GRIP1: variants seen among roughly 807,000 people sequenced by gnomAD.
GRIP1 encodes the protein glutamate receptor-interacting protein 1.
Under a neutral mutation model 129.9 loss-of-function variants are expected in GRIP1, and 45 were observed. The ratio of observed to expected loss-of-function variants is 0.35; its 90% CI spans 0.27 to 0.44. The LOEUF (loss-of-function observed/expected upper bound fraction) is 0.44, where lower values mean the gene tolerates loss of function less well. Among genes scored for constraint, GRIP1 ranks in the 20% least tolerant of loss-of-function variants. GRIP1 has a pLI of 1.00. For synonymous variants in GRIP1, 530 were observed against 520.8 expected (o/e 1.02, Z -0.24); for missense variants, 1,196 against 1,396.8 (o/e 0.86, Z 2.29).
intron 1 of GRIP1, among the ~76,000 whole-genome samples, chr12:66,779,785 A>C (rs770940282): frequency 6.6e-6 from 1 of 152,236 alleles, no homozygotes; most frequent in Non-Finnish European, 1.5e-5. Context: ...TAATATGTGC[A>C]GTAGTGAAAA....
chr12:66,979,349 A>G (rs1444616218), intron 1 of GRIP1, among the ~76,000 whole-genome samples: 1 of 151,892 alleles, frequency 6.6e-6, no homozygotes, highest in Non-Finnish European at 1.5e-5. Context: ...AGGTGAAAAA[A>G]AAAAACAACT....
intron 1 of GRIP1, among the ~76,000 whole-genome samples, chr12:67,033,985 C>T (rs1484120578): frequency 2.6e-5 from 4 of 152,122 alleles, no homozygotes; most frequent in Non-Finnish European, 5.9e-5. Context: ...CCTAATCTAT[C>T]AAGGCTGATG....
At chr12:66,919,579 G>C (rs1312266254) in intron 1 of GRIP1, among the ~76,000 whole-genome samples, 3 of 152,106 alleles carry the variant, frequency 2.0e-5, no homozygotes, top group African/African-American at 7.2e-5. Flanking sequence ...TACATAAATA[G>C]ACTGTTGTCT....
At chr12:66,513,030 A>C (rs1237657548) in intron 7 of GRIP1, among the ~76,000 whole-genome samples, 3 of 152,114 alleles carry the variant, frequency 2.0e-5, no homozygotes, top group Non-Finnish European at 4.4e-5. Flanking sequence ...TTTGGGTGTA[A>C]TATGAAGTAG....
intron 7 of GRIP1, among the ~76,000 whole-genome samples, chr12:66,476,781 T>G (rs200107939): frequency 1.3e-5 from 2 of 152,158 alleles, no homozygotes; most frequent in Non-Finnish European, 2.9e-5. Context: ...AAAAACTACA[T>G]GATTATCTCA....
intron 1 of GRIP1, among the ~76,000 whole-genome samples, chr12:66,754,015 T>C (rs2037207111): frequency 6.6e-6 from 1 of 152,250 alleles, no homozygotes; most frequent in African/African-American, 2.4e-5. Flanking sequence ...ATAAACATGG[T>C]TCATTTTTTC....
At chr12:67,009,339 A>T (rs1479100088) in intron 1 of GRIP1, among the ~76,000 whole-genome samples, 1 of 152,186 alleles carries the variant, frequency 6.6e-6, no homozygotes, top group Non-Finnish European at 1.5e-5. Context: ...ATGGAGGAAG[A>T]TGCTTATCTT....
At position 67,029,378 on chromosome 12, in the gene GRIP1, T is replaced by G. The variant is rs554206306; in HGVS notation, c.58+39672A>C. On this transcript the variant is annotated intron_variant, in intron 1 of 1. Coordinates refer to the GRIP1 transcript ENST00000643019. ...ATCCACCTGCCTCAGCTTCCCAAAGTGCCAGGATTACAGGCGTGAGCCATT... is the reference window on the plus strand; with the variant it reads ...ATCCACCTGCCTCAGCTTCCCAAAGGGCCAGGATTACAGGCGTGAGCCATT... 1.7e-3 allele frequency among the ~76,000 whole-genome samples: 259 copies of G among 152,234 alleles called. 1 individual carries two copies. Among genetic ancestry groups the G allele is most frequent in the African/African-American group, 5.9e-3 (245 of 41,574 alleles).
chr12:66,858,381 G>C (rs1470112078), intron 1 of GRIP1, among the ~76,000 whole-genome samples: 7 of 151,874 alleles, frequency 4.6e-5, no homozygotes, highest in African/African-American at 1.7e-4. Flanking sequence ...AAATTAAGAT[G>C]AAAGTGAATC....
intron 2 of GRIP1, among the ~76,000 whole-genome samples, chr12:66,574,005 G>C (rs903629058): frequency 3.9e-5 from 6 of 152,138 alleles, no homozygotes. Context: ...TCAAACTATT[G>C]ATCTTTTTTT....
chr12:66,576,734 C>T (rs1314518325), intron 2 of GRIP1, among the ~76,000 whole-genome samples: 1 of 152,208 alleles, frequency 6.6e-6, no homozygotes, highest in Non-Finnish European at 1.5e-5. Context: ...CTCCTCTCCT[C>T]TTCTCAAACA....
Position 66,618,526 on chromosome 12 carries a change from T to C in GRIP1, c.56-21599A>G, listed in dbSNP as rs2065138361. ...AAACTACCTGCTTTGAATCTATCTA[T>C]TAAAAAAAAGTAAAAATAAAGCATG... On this transcript the variant is annotated intron_variant, in intron 1 of 24. Coordinates refer to ENST00000359742, the MANE Select transcript of GRIP1 (RefSeq NM_001366722.1). Among the ~76,000 whole-genome samples the C allele has an allele frequency of 1.3e-5, 2 of 152,120 alleles. 1 individual carries two copies. Among genetic ancestry groups the C allele is most frequent in the Middle Eastern group, 6.8e-3 (2 of 294 alleles).
intron 9 of GRIP1, among the ~76,000 whole-genome samples, chr12:66,460,780 G>C (rs928627520): frequency 2.0e-5 from 3 of 152,168 alleles, no homozygotes; most frequent in African/African-American, 7.2e-5. Flanking sequence ...CTTTCTTGTG[G>C]AGAAAGGGTA....
At chr12:66,557,824 A>G (rs1359375638) in intron 2 of GRIP1, among the ~76,000 whole-genome samples, 1 of 152,170 alleles carries the variant, frequency 6.6e-6, no homozygotes, top group African/African-American at 2.4e-5. Context: ...AAGCAGCACT[A>G]AGAGGGAAGT....
intron 1 of GRIP1, among the ~76,000 whole-genome samples, chr12:66,864,821 T>C (rs756478778): frequency 2.6e-5 from 4 of 152,196 alleles, no homozygotes; most frequent in Non-Finnish European, 5.9e-5. Context: ...TCAAAGGCTT[T>C]TGTAGTTCAA....
intron 7 of GRIP1, among the ~76,000 whole-genome samples, chr12:66,479,435 C>G (rs2059731987): frequency 6.6e-6 from 1 of 152,032 alleles, no homozygotes; most frequent in East Asian, 1.9e-4. Context: ...TAATAGTCTA[C>G]CAACCAAAAA....
chr12:66,752,561 A>G (rs2037162116), intron 1 of GRIP1, among the ~76,000 whole-genome samples: 1 of 152,188 alleles, frequency 6.6e-6, no homozygotes, highest in African/African-American at 2.4e-5. Flanking sequence ...AGCCTTATAC[A>G]TATAGGCAAT....
chr12:66,741,576 A>T (rs115811571), intron 1 of GRIP1, among the ~76,000 whole-genome samples: 2,331 of 152,354 alleles, frequency 0.015, 70 homozygotes, highest in African/African-American at 0.053. Context: ...GTCACATGTA[A>T]GCAAATATAA....
chr12:66,925,051 T>G (rs767550528), intron 1 of GRIP1, among the ~76,000 whole-genome samples: 2 of 152,156 alleles, frequency 1.3e-5, no homozygotes, highest in African/African-American at 2.4e-5. Context: ...ACATATCACT[T>G]TAAAAGAAAT....
Sources: gnomAD v4.1 joint callset for allele counts (sites outside exome capture counted in the v4.1 genomes callset) on GRCh38, gnomAD v4.1.1 for gene constraint, MANE v1.5 for transcripts, NCBI Gene and HGNC (gene_info 2026-07-23, HGNC 2026-07-21) for gene names.